The following ANAPC4 variants were observed in gnomAD, a reference collection of about 807,000 sequenced individuals.
ANAPC4 encodes anaphase-promoting complex subunit 4.
ANAPC4 carries 63 observed loss-of-function variants against 119.8 expected under a neutral mutation model. The ratio of observed to expected loss-of-function variants is 0.53; its 90% CI spans 0.43 to 0.65. The LOEUF (loss-of-function observed/expected upper bound fraction) is 0.65, where lower values mean the gene tolerates loss of function less well. Ranked by LOEUF, ANAPC4 falls within the 30% of genes least tolerant of loss-of-function variation. The probability of loss-of-function intolerance (pLI) is 0.00; values close to 1 mark genes in which losing one functional copy is unlikely to be tolerated. For missense variants in ANAPC4, 716 were observed against 945.1 expected, an observed-to-expected ratio of 0.76 and a Z score of 3.18; for synonymous variants, 283 against 318.6, an observed-to-expected ratio of 0.89 and a Z score of 1.19.
rs1199120140 is a variant in ANAPC4, at chr4:25,377,569, G to C, written c.129+13G>C. 6.3e-7 allele frequency: 1 copy of C among 1,596,132 alleles called. No homozygotes were observed. Among genetic ancestry groups the C allele is most frequent in the East Asian group, 2.3e-5 (1 of 44,304 alleles). On this transcript the variant is annotated intron_variant, in intron 2 of 28. Coordinates refer to ENST00000315368, the MANE Select transcript of ANAPC4 (RefSeq NM_013367.3). ...CACAGCTGGCGAGGTGAGTGAGCCGGCGGGAGCCCGCCTGTGCTGGGTCTG... is the reference window on the plus strand; with the variant it reads ...CACAGCTGGCGAGGTGAGTGAGCCGCCGGGAGCCCGCCTGTGCTGGGTCTG...
chr4:25,387,456 A>G (rs1389154063), intron 4 of ANAPC4, among the ~76,000 whole-genome samples: 1 of 152,238 alleles, frequency 6.6e-6, no homozygotes, highest in Non-Finnish European at 1.5e-5. Context: ...AACCAGAGTG[A>G]TAAATCCATC....
chr4:25,415,850 A>T (rs1029742689), intron 26 of ANAPC4: 1 of 245,384 alleles, frequency 4.1e-6, no homozygotes, highest in African/African-American at 2.2e-5. Flanking sequence ...TCTTGTTACG[A>T]CCAAAAAAAA....
intron 17 of ANAPC4, among the ~76,000 whole-genome samples, chr4:25,404,940 T>C (rs1723174313): frequency 6.6e-6 from 1 of 152,014 alleles, no homozygotes; most frequent in Non-Finnish European, 1.5e-5. Flanking sequence ...GTTATGTATT[T>C]GCAAAAGTAC....
chr4:25,388,125 A>G (rs527693462), intron 4 of ANAPC4, among the ~76,000 whole-genome samples: 1 of 152,314 alleles, frequency 6.6e-6, no homozygotes, highest in African/African-American at 2.4e-5. Flanking sequence ...TGTCTCATAA[A>G]TAAAAGATAG....
intron 2 of ANAPC4, among the ~76,000 whole-genome samples, chr4:25,378,050 T>C (rs913010682): frequency 3.9e-5 from 6 of 152,242 alleles, no homozygotes; most frequent in Non-Finnish European, 5.9e-5. Context: ...ACCTGGCTTC[T>C]CTTGTCCACG....
intron 28 of ANAPC4, 36 bp downstream of exon 28, chr4:25,417,775 T>C: frequency 6.3e-7 from 1 of 1,580,848 alleles, no homozygotes; most frequent in South Asian, 1.2e-5. Flanking sequence ...ACTAAGAAAT[T>C]ACAAGAAGTA....
rs951432330 is a variant in ANAPC4, at chr4:25,394,995, C to G, written c.1061+90C>G. On this transcript the variant is annotated intron_variant, in intron 14 of 28. Transcript: ENST00000315368. ...CGCCGCCTTTTCTTCATCTGGCATT[C>G]TCTTTTTAAGCCTTTTCTAGCTAAA... 3.9e-6 allele frequency: 4 copies of G among 1,026,390 alleles called. No individual in the cohort carries two copies. The African/African-American group carries it at 6.5e-5, about 17-fold the overall frequency. The allele number at this position is 1,026,390 out of a possible 1,614,324, so 63.6% of individuals were successfully genotyped here. A position where few individuals can be genotyped will look rare whatever the true frequency, so the allele number is the denominator to read the frequency against.
In ANAPC4 at chr4:25,418,426, A is replaced by G. The variant is rs142460307; in HGVS notation, c.*44A>G. 3.4e-3 allele frequency: 5,291 copies of G among 1,549,468 alleles called. 49 individuals are homozygous for G. The highest frequency in any genetic ancestry group is 0.016 in the South Asian group (1,438 of 88,268). Reference sequence around the variant, plus strand: ...TGTGTGTAATTATGGCCAAAAGGACATAGGAGATGGACTAAGATGTCTTGG... The same window carrying G: ...TGTGTGTAATTATGGCCAAAAGGACGTAGGAGATGGACTAAGATGTCTTGG... On this transcript the variant is annotated 3_prime_UTR_variant, in exon 29 of 29. Transcript: ENST00000315368.
At chr4:25,412,512 C>A (rs749134585) in intron 21 of ANAPC4, among the ~76,000 whole-genome samples, 1 of 152,118 alleles carries the variant, frequency 6.6e-6, no homozygotes, top group South Asian at 2.1e-4. Flanking sequence ...GATGGTAGTC[C>A]TAGCACTTTG....
Position 25,390,911 on chromosome 4 carries a change from A to G in ANAPC4, c.601A>G (p.Ile201Val). Residue 201 changes from isoleucine to valine, a missense_variant and splice_region_variant, in exon 9 of 29, where the codon ATT becomes GTT. By Grantham distance (29) the Ile-to-Val change is conservative (BLOSUM62 3). Transcript: ENST00000315368. ...GMFKIARVTG[I>V]AGTCLALCLS... ...ACTAAGGGGTTTGACTCTTTTACAG[A>G]TTGCTGGTACTTGTCTTGCATTATG... The G allele has an allele frequency of 1.2e-6, 2 of 1,611,150 alleles. No individual in the cohort carries two copies. Among genetic ancestry groups the G allele is most frequent in the Admixed American group, 1.7e-5 (1 of 59,964 alleles).
intron 2 of ANAPC4, 125 bp from the exon 3 acceptor site, chr4:25,380,249 T>G (rs1721635678): frequency 1.6e-5 from 9 of 559,348 alleles, no homozygotes; most frequent in Non-Finnish European, 2.8e-5. Context: ...TCTTTTTCTA[T>G]TCTTCTGATA....
At chr4:25,418,032 G>A (rs562198944) in intron 28 of ANAPC4, 123 bp from the exon 29 acceptor site, 6 of 999,532 alleles carry the variant, frequency 6.0e-6, no homozygotes, top group South Asian at 5.2e-5. Flanking sequence ...TGATTTTGTT[G>A]TAAATTGATG....
intron 16 of ANAPC4, among the ~76,000 whole-genome samples, chr4:25,400,297 G>C (rs1722894506): frequency 6.6e-6 from 1 of 151,924 alleles, no homozygotes; most frequent in Admixed American, 6.6e-5. Context: ...AGAGAGGTGG[G>C]ACCTAGTGCA....
In ANAPC4 at chr4:25,418,252, A is replaced by G; in HGVS notation, c.2297A>G (p.Asn766Ser). The stretch of plus-strand genomic sequence containing the variant: ...TCAGATGAAGAGGAGGAGGCCAGTA[A>G]TAAGCCTGTAAAAATAAAGGAAGAA... ...ESSDEEEEAS[N>S]KPVKIKEEVL... The change falls in exon 29 of 29, where the codon AAT becomes AGT. Residue 766 changes from asparagine to serine, a missense_variant. This residue lies in a region of ANAPC4 where 504 missense variants were observed against 615.8 expected (regional missense o/e 0.82). Transcript: ENST00000315368. 6.2e-7 allele frequency: 1 copy of G among 1,614,134 alleles called. No individual in the cohort carries two copies. Among genetic ancestry groups the G allele is most frequent in the Non-Finnish European group, 8.5e-7 (1 of 1,179,986 alleles).
chr4:25,416,420 T>G lies in ANAPC4; in HGVS notation c.1902-5T>G, dbSNP rs765213962. ...TTGATATAACAAAACTTATTTTAAT[T>G]CTAGCATCTACAGTTGTTTAGATGC... On this transcript the variant is annotated splice_region_variant and splice_polypyrimidine_tract_variant and intron_variant, in intron 26 of 28. Transcript: ENST00000315368. 1 of 1,500,130 alleles carries G rather than the reference T, an allele frequency of 6.7e-7. No homozygotes were observed. 92.9% of individuals were successfully genotyped at this position (1,500,130 alleles called of 1,614,324 possible). A position where few individuals can be genotyped will look rare whatever the true frequency, so the allele number is the denominator to read the frequency against.
At chr4:25,410,958 C>T (rs1167472389) in intron 21 of ANAPC4, among the ~76,000 whole-genome samples, 2 of 151,936 alleles carry the variant, frequency 1.3e-5, no homozygotes, top group African/African-American at 2.4e-5. Context: ...TGAAACTCAA[C>T]CTATAGCAAT....
At chr4:25,408,536 AAT>A (rs1491535457) in intron 20 of ANAPC4, among the ~76,000 whole-genome samples, 28 of 58,308 alleles carry the variant, frequency 4.8e-4, no homozygotes, top group Admixed American at 1.1e-3. Flanking sequence ...AAAAAAAAAA[AAT>A]TTTTTTTTTT....
intron 22 of ANAPC4, chr4:25,413,951 G>A (rs1306253154): frequency 1.0e-5 from 5 of 485,592 alleles, no homozygotes; most frequent in Non-Finnish European, 1.8e-5. Flanking sequence ...GTGTGTGTGT[G>A]TATAAAGATT....
At position 25,396,654 on chromosome 4, in the gene ANAPC4, G is replaced by T; in HGVS notation, c.1062-10G>T. The T allele has an allele frequency of 6.3e-7, 1 of 1,589,298 alleles. No homozygotes were observed. The highest frequency in any genetic ancestry group is 1.8e-5 in the Admixed American group (1 of 54,976). ...CATGATACTAATTTATTTCTGCTCTGTTTGGATAGTGGCTCGGAGTCTTTA... is the reference window on the plus strand; with the variant it reads ...CATGATACTAATTTATTTCTGCTCTTTTTGGATAGTGGCTCGGAGTCTTTA... On this transcript the variant is annotated splice_polypyrimidine_tract_variant and intron_variant, in intron 14 of 28. Coordinates refer to ENST00000315368, the MANE Select transcript of ANAPC4 (RefSeq NM_013367.3).
Sources: gnomAD v4.1 joint callset for allele counts (sites outside exome capture counted in the v4.1 genomes callset) on GRCh38, gnomAD v4.1.1 for gene constraint, gnomAD v4.1.1 regional missense constraint, MANE v1.5 for transcripts, NCBI Gene and HGNC (gene_info 2026-07-23, HGNC 2026-07-21) for gene names.